The following TRAM1 variants were observed in gnomAD, a reference collection of about 807,000 sequenced individuals.
The protein encoded by TRAM1 is translocating chain-associated membrane protein 1.
Under a neutral mutation model 48.7 loss-of-function variants are expected in TRAM1, and 17 were observed. The ratio of observed to expected loss-of-function variants is 0.35; its 90% CI spans 0.24 to 0.52. The LOEUF is 0.52. Among genes scored for constraint, TRAM1 ranks in the 20% least tolerant of loss-of-function variants. TRAM1 has a pLI of 0.94. For synonymous variants in TRAM1, 182 were observed against 154.0 expected (o/e 1.18, Z -1.34); for missense variants, 351 against 441.5 (o/e 0.79, Z 1.84).
intron 6 of TRAM1, among the ~76,000 whole-genome samples, chr8:70,590,928 T>A (rs1373236785): frequency 1.3e-5 from 2 of 152,100 alleles, no homozygotes; most frequent in Non-Finnish European, 2.9e-5. Context: ...GGTAAATACT[T>A]GTGTCACTTA....
rs746851807 is a variant in TRAM1 at position 70,608,251 on chromosome 8, C to G, written c.-52G>C. ...GTGCTCCGCCCCGGTTCTGCTCTTCCCAGCTGCTCACCGACTCGCCGCCGC... is the reference window on the plus strand; with the variant it reads ...GTGCTCCGCCCCGGTTCTGCTCTTCGCAGCTGCTCACCGACTCGCCGCCGC... On this transcript the variant is annotated 5_prime_UTR_variant, in exon 1 of 11. Transcript: ENST00000262213. 2.0e-6 allele frequency: 3 copies of G among 1,519,262 alleles called. No homozygotes were observed. The highest frequency in any genetic ancestry group is 2.6e-6 in the Non-Finnish European group (3 of 1,138,460). 94.1% of individuals were successfully genotyped at this position (1,519,262 alleles called of 1,614,324 possible). A position where few individuals can be genotyped will look rare whatever the true frequency, so the allele number is the denominator to read the frequency against.
intron 5 of TRAM1, among the ~76,000 whole-genome samples, 156 bp downstream of exon 5, chr8:70,596,106 CT>C (rs139404566): frequency 4.0e-5 from 6 of 151,268 alleles, no homozygotes; most frequent in Admixed American, 6.6e-5. Context: ...AGGTACACAG[CT>C]TTTTTTTTCT....
Position 70,586,906 on chromosome 8 carries a change from C to G in TRAM1, c.735G>C (p.Lys245Asn). The G allele has an allele frequency of 2.5e-6, 4 of 1,613,492 alleles. No individual in the cohort carries two copies. Among genetic ancestry groups the G allele is most frequent in the Non-Finnish European group, 3.4e-6 (4 of 1,179,626 alleles). The stretch of plus-strand genomic sequence containing the variant: ...GCTAAACAACTTACCCTTTCTGATA[C>G]TTTTCATTGCTAAAATAAAACAGGC... Reference protein sequence around the residue: ...ISRLFYFSNEKYQKGFSLWAV... With the variant: ...ISRLFYFSNENYQKGFSLWAV... Residue 245 changes from lysine to asparagine, a missense_variant, in exon 8 of 11, where the codon AAG becomes AAC. By Grantham distance (94) the Lys-to-Asn change is moderately conservative (BLOSUM62 0). Coordinates refer to ENST00000262213, the MANE Select transcript of TRAM1 (RefSeq NM_014294.6).
intron 9 of TRAM1, 23 bp downstream of exon 9, chr8:70,583,627 A>G (rs771066390): frequency 1.2e-6 from 2 of 1,602,784 alleles, no homozygotes; most frequent in Non-Finnish European, 1.7e-6. Context: ...TATAAAGTGA[A>G]AAAAATGTTA....
intron 1 of TRAM1, among the ~76,000 whole-genome samples, chr8:70,603,303 T>TATATACAC (rs1041808375): frequency 6.7e-6 from 1 of 149,978 alleles, no homozygotes; most frequent in Non-Finnish European, 1.5e-5. Context: ...ATATGTTTTA[T>TATATACAC]ACACACACAC....
At position 70,608,298 on chromosome 8, in the gene TRAM1, G is replaced by C. The variant is rs528437523; in HGVS notation, c.-99C>G. On this transcript the variant is annotated 5_prime_UTR_variant, in exon 1 of 11. Coordinates refer to ENST00000262213, the MANE Select transcript of TRAM1 (RefSeq NM_014294.6). ...CCGCCTCCCGCTGGCTGCTCCTCAC[G>C]GCCCCGCTGCAGCCGCTCGCTGGGG... 1.7e-5 allele frequency: 24 copies of C among 1,439,004 alleles called. No homozygotes were observed. The highest frequency in any genetic ancestry group is 7.5e-5 in the Admixed American group (3 of 40,078). 89.1% of individuals were successfully genotyped at this position (1,439,004 alleles called of 1,614,324 possible).
rs1563394203 is a variant in TRAM1, at chr8:70,608,124, T to C, written c.76A>G (p.Ile26Val). ...HEFVLQNHAD[I>V]VSCVAMVFLL... is the part of the protein sequence containing the mutation. ...AAGACCATCGCCACACAGGAGACGA[T>C]GTCCGCGTGATTCTGCAGGACGAAT... The change falls in exon 1 of 11, where the codon ATC becomes GTC. Residue 26 changes from isoleucine (I) to valine (V), a missense_variant. By Grantham distance (29) the Ile-to-Val change is conservative. Transcript: ENST00000262213. The C allele has an allele frequency of 1.2e-6, 2 of 1,600,222 alleles. No homozygotes were observed. Among genetic ancestry groups the C allele is most frequent in the Non-Finnish European group, 1.7e-6 (2 of 1,174,272 alleles).
At chr8:70,606,435 ATT>A (rs1427141015) in intron 1 of TRAM1, among the ~76,000 whole-genome samples, 13 of 152,194 alleles carry the variant, frequency 8.5e-5, no homozygotes, top group Admixed American at 4.6e-4. Flanking sequence ...GGCTCCAGTG[ATT>A]CTCCTGCCTT....
In TRAM1 at chr8:70,585,983, T is replaced by C. The variant is rs946664546; in HGVS notation, c.746+912A>G. 4.6e-5 allele frequency among the ~76,000 whole-genome samples: 7 copies of C among 150,988 alleles called. No individual in the cohort carries two copies. In the East Asian group the frequency reaches 9.8e-4, roughly 21 times the overall value. The stretch of plus-strand genomic sequence containing the variant: ...AAAGACACATGCACACGTATGTTTA[T>C]TGCGGCACTATTCACAATAGCAAAG... On this transcript the variant is annotated intron_variant, in intron 8 of 10. Coordinates refer to ENST00000262213, the MANE Select transcript of TRAM1 (RefSeq NM_014294.6).
rs891132503 is a variant in TRAM1, at chr8:70,573,626, T to G, written c.*1306A>C. On this transcript the variant is annotated 3_prime_UTR_variant, in exon 11 of 11. Transcript: ENST00000262213. ...GACAATTTCCTAGCAGCATGGCAAC[T>G]TAAACTGCAGATCTAATAGGTCTGC... 6.6e-6 allele frequency: 1 copy of G among 152,586 alleles called. No individual in the cohort carries two copies. The highest frequency in any genetic ancestry group is 1.5e-5 in the Non-Finnish European group (1 of 68,026). The allele number at this position is 152,586 out of a possible 1,614,324, so 9.5% of individuals were successfully genotyped here.
chr8:70,607,571 T>G, intron 1 of TRAM1: 4 of 826,638 alleles, frequency 4.8e-6, no homozygotes, highest in Non-Finnish European at 5.8e-6. Flanking sequence ...TCGGGGCCTG[T>G]GGTCTCCAGG....
At chr8:70,593,315 G>C (rs566197452) in intron 6 of TRAM1, among the ~76,000 whole-genome samples, 1 of 151,662 alleles carries the variant, frequency 6.6e-6, no homozygotes, top group Non-Finnish European at 1.5e-5. Flanking sequence ...CATAAAAATA[G>C]TGTTTTATGG....
chr8:70,588,697 A>G lies in TRAM1; in HGVS notation c.571-1521T>C, dbSNP rs546689719. On this transcript the variant is annotated intron_variant, in intron 6 of 10. Transcript: ENST00000262213. ...CAAACACACAATGAATTATGATGTA[A>G]AAAGTTTTTCATCTTTGGTTGCAGT... Among the ~76,000 whole-genome samples the G allele has an allele frequency of 3.3e-5, 5 of 152,368 alleles. No individual in the cohort carries two copies. The South Asian group carries it at 6.2e-4, about 19-fold the overall frequency.
chr8:70,581,891 G>A (rs1049560714), intron 10 of TRAM1, among the ~76,000 whole-genome samples: 1 of 152,162 alleles, frequency 6.6e-6, no homozygotes, highest in African/African-American at 2.4e-5. Context: ...CTGTTTACAT[G>A]AAATGTCCAG....
intron 6 of TRAM1, among the ~76,000 whole-genome samples, chr8:70,588,268 A>AATT (rs1817268922): frequency 1.3e-5 from 2 of 152,072 alleles, no homozygotes; most frequent in African/African-American, 4.8e-5. Context: ...GGGTCACACC[A>AATT]GCATCTTTTA....
intron 8 of TRAM1, among the ~76,000 whole-genome samples, chr8:70,584,444 A>T (rs927064208): frequency 1.3e-5 from 2 of 152,222 alleles, no homozygotes; most frequent in African/African-American, 4.8e-5. Flanking sequence ...GCAATTAGGC[A>T]GGAGAAGGAA....
At position 70,582,289 on chromosome 8, in the gene TRAM1, A is replaced by ATT. The variant is rs749411995; in HGVS notation, c.1051+873_1051+874dup. Among the ~76,000 whole-genome samples the ATT allele has an allele frequency of 2.3e-3, 323 of 143,210 alleles. 2 individuals are homozygous for ATT. Among genetic ancestry groups the ATT allele is most frequent in the African/African-American group, 7.2e-3 (282 of 38,960 alleles). 94.0% of individuals were successfully genotyped at this position (143,210 alleles called of 152,430 possible). A position where few individuals can be genotyped will look rare whatever the true frequency, so the allele number is the denominator to read the frequency against. On this transcript the variant is annotated intron_variant, in intron 10 of 10. Transcript: ENST00000262213. ...TTGTGGAAATTGACCAGGTTGTATA[A>ATT]TTTTTTTTTTTTTTTTCTAAAGAGG...
At chr8:70,581,059 C>G (rs1030861405) in intron 10 of TRAM1, among the ~76,000 whole-genome samples, 2 of 152,140 alleles carry the variant, frequency 1.3e-5, no homozygotes, top group Non-Finnish European at 2.9e-5. Context: ...CCCCAGCTGG[C>G]TTTTTTGCAG....
rs1363100837 is a variant in TRAM1, at chr8:70,606,115, A to G, written c.123+1962T>C. ...TTACAGAAAATTGAATATACTACATATATTAAAGTACTACTTTAAGGTCAA... is the reference window on the plus strand; with the variant it reads ...TTACAGAAAATTGAATATACTACATGTATTAAAGTACTACTTTAAGGTCAA... On this transcript the variant is annotated intron_variant, in intron 1 of 10. Transcript: ENST00000262213. 2.0e-5 allele frequency among the ~76,000 whole-genome samples: 3 copies of G among 152,250 alleles called. No individual in the cohort carries two copies. In the East Asian group the frequency reaches 5.8e-4, roughly 29 times the overall value.
Sources: allele counts gnomAD v4.1 joint callset (sites outside exome capture counted in the v4.1 genomes callset), GRCh38; gene constraint gnomAD v4.1.1; transcripts MANE v1.5; gene names NCBI Gene and HGNC (gene_info 2026-07-23, HGNC 2026-07-21).